PCNX3: variants seen among roughly 807,000 people sequenced by gnomAD.
PCNX3 encodes the protein pecanex 3.
In PCNX3, 58 loss-of-function variants were observed where a neutral mutation model predicts 207.2. The ratio of observed to expected loss-of-function variants is 0.28; its 90% CI spans 0.23 to 0.35. The LOEUF is 0.35. Ranked by LOEUF, PCNX3 falls within the 10% of genes least tolerant of loss-of-function variation. The probability of loss-of-function intolerance (pLI) is 1.00; values close to 1 mark genes in which losing one functional copy is unlikely to be tolerated. For synonymous variants in PCNX3, 1,337 were observed against 1,183.5 expected, an observed-to-expected ratio of 1.13 and a Z score of -2.66; for missense variants, 2,410 against 2,774.4, an observed-to-expected ratio of 0.87 and a Z score of 2.95.
rs372965452 is a variant in PCNX3 at position 65,636,988 on chromosome 11, C to T, written c.*10C>T. 1.6e-4 allele frequency: 250 copies of T among 1,561,620 alleles called. No individual in the cohort carries two copies. The highest frequency in any genetic ancestry group is 2.0e-4 in the Non-Finnish European group (229 of 1,156,472). On this transcript the variant is annotated 3_prime_UTR_variant, in exon 35 of 35. Coordinates refer to ENST00000355703, the MANE Select transcript of PCNX3 (RefSeq NM_032223.4). Reference sequence around the variant, plus strand: ...GGAACACCAGTACTGAGCTACCTGGCGCCCACTGGACCACCTCCTAGGATT... The same window carrying T: ...GGAACACCAGTACTGAGCTACCTGGTGCCCACTGGACCACCTCCTAGGATT...
At position 65,626,066 on chromosome 11, in the gene PCNX3, C is replaced by G. The variant is rs893035755; in HGVS notation, c.3379+12C>G. ...GTATGAAGTGCGCGGTGAGTGCCCA[C>G]CCCTGATGGCCAGGCCTGGGCAGTG... On this transcript the variant is annotated intron_variant, in intron 20 of 34. Transcript: ENST00000355703. 4 of 1,589,600 alleles carry G rather than the reference C, an allele frequency of 2.5e-6. No homozygotes were observed. The highest frequency in any genetic ancestry group is 3.4e-6 in the Non-Finnish European group (4 of 1,169,496).
chr11:65,623,856 T>A (rs1396568985), intron 12 of PCNX3, 73 bp from the exon 13 acceptor site: 39 of 1,602,406 alleles, frequency 2.4e-5, no homozygotes, highest in Non-Finnish European at 2.2e-5. Context: ...GTGGTGGAGC[T>A]GAACAGGTCT....
intron 5 of PCNX3, 33 bp downstream of exon 5, chr11:65,617,739 G>A: frequency 1.9e-6 from 3 of 1,546,850 alleles, no homozygotes; most frequent in Non-Finnish European, 2.6e-6. Context: ...AGGCTTGTGG[G>A]CTAGACCAGC....
intron 10 of PCNX3, among the ~76,000 whole-genome samples, chr11:65,621,218 T>G (rs1144788): frequency 0.98 from 149,364 of 152,278 alleles, 73,329 homozygotes; most frequent in Non-Finnish European, 1. Context: ...CTCTGGAGGG[T>G]CCCACAGTGA....
At position 65,616,092 on chromosome 11, in the gene PCNX3, C is replaced by T; in HGVS notation, c.-220C>T. 2.9e-6 allele frequency: 1 copy of T among 343,726 alleles called. No individual in the cohort carries two copies. The highest frequency in any genetic ancestry group is 5.2e-6 in the Non-Finnish European group (1 of 192,360). The allele number at this position is 343,726 out of a possible 1,614,324, so 21.3% of individuals were successfully genotyped here. Reference sequence around the variant, plus strand: ...GACCCGGACCCCGCCCCTGATGCAGCCCCACCCCCGCGTCCGGGCCTTGCA... The same window carrying T: ...GACCCGGACCCCGCCCCTGATGCAGTCCCACCCCCGCGTCCGGGCCTTGCA... On this transcript the variant is annotated 5_prime_UTR_variant, in exon 1 of 35. Coordinates refer to ENST00000355703, the MANE Select transcript of PCNX3 (RefSeq NM_032223.4).
Position 65,619,866 on chromosome 11 carries a change from G to T in PCNX3, c.1942G>T (p.Val648Leu). ...GTTGCTCACCCGGGCCGGTGCCAAT[G>T]TGCATGAGGCCTGCACCTTTGATGA... Reference protein sequence around the residue: ...SLLLTRAGANVHEACTFDDTS... With the variant: ...SLLLTRAGANLHEACTFDDTS... Residue 648 changes from valine to leucine, a missense_variant, in exon 8 of 35, where the codon GTG (valine) becomes TTG (leucine). Physicochemically the swap from Val to Leu is conservative, Grantham distance 32. This residue lies in a region of PCNX3 where 1,104 missense variants were observed against 970.3 expected (regional missense o/e 1.14). Coordinates refer to ENST00000355703, the MANE Select transcript of PCNX3 (RefSeq NM_032223.4). 6.2e-7 allele frequency: 1 copy of T among 1,611,278 alleles called. No homozygotes were observed.
Position 65,618,028 on chromosome 11 carries a change from A to C in PCNX3, c.666A>C (p.Gly222=). 2.5e-6 allele frequency: 4 copies of C among 1,608,410 alleles called. No individual in the cohort carries two copies. Among genetic ancestry groups the C allele is most frequent in the Non-Finnish European group, 3.4e-6 (4 of 1,177,870 alleles). Reference sequence around the variant, plus strand: ...CTTCAGAGCCTTCTCCCCTGGCTGGAGATGGAGCGCCCTGGAGTGGGAGCA... The same window carrying C: ...CTTCAGAGCCTTCTCCCCTGGCTGGCGATGGAGCGCCCTGGAGTGGGAGCA... The part of the protein sequence containing the change: ...TDSSEPSPLA[G]DGAPWSGSSM... Residue 222 remains glycine, a synonymous_variant, in exon 6 of 35, where the codon GGA becomes GGC. Transcript: ENST00000355703.
chr11:65,628,571 T>G, intron 22 of PCNX3, 24 bp from the exon 23 acceptor site: 1 of 1,608,490 alleles, frequency 6.2e-7, no homozygotes, highest in Non-Finnish European at 8.5e-7. Flanking sequence ...ATGTCTTTTT[T>G]CTTCTCCCTG....
At position 65,618,069 on chromosome 11, in the gene PCNX3, C is replaced by G; in HGVS notation, c.707C>G (p.Pro236Arg). The G allele has an allele frequency of 6.2e-7, 1 of 1,607,490 alleles. No homozygotes were observed. The highest frequency in any genetic ancestry group is 1.3e-5 in the African/African-American group (1 of 74,898). ...PWSGSSMADT[P>R]MSPLLKGSLS... ...AGTGGGAGCAGCATGGCTGACACTC[C>G]CATGAGCCCCCTGCTGAAGGGGAGC... is the stretch of plus-strand genomic sequence containing the variant. Residue 236 changes from proline to arginine, a missense_variant, in exon 6 of 35, where the codon CCC becomes CGC. Physicochemically the swap from Pro to Arg is moderately radical, Grantham distance 103 (BLOSUM62 -2). This residue lies in a region of PCNX3 where 1,104 missense variants were observed against 970.3 expected (regional missense o/e 1.14). Coordinates refer to ENST00000355703, the MANE Select transcript of PCNX3 (RefSeq NM_032223.4).
Position 65,616,270 on chromosome 11 carries a change from G to T in PCNX3, c.-42G>T. The T allele has an allele frequency of 6.7e-7, 1 of 1,495,880 alleles. No homozygotes were observed. The highest frequency in any genetic ancestry group is 2.6e-5 in the East Asian group (1 of 39,078). 92.7% of individuals were successfully genotyped at this position (1,495,880 alleles called of 1,614,324 possible). A position where few individuals can be genotyped will look rare whatever the true frequency, so the allele number is the denominator to read the frequency against. ...GGCATGGGCCGGGGGCCGCCCCCAT[G>T]AGGGTCCCGGGAGGGGGGGCGCGGG... On this transcript the variant is annotated 5_prime_UTR_variant, in exon 1 of 35. The change abolishes an upstream ATG in the 5' untranslated region. Transcript: ENST00000355703.
chr11:65,621,594 T>G (rs914360073), intron 10 of PCNX3, among the ~76,000 whole-genome samples: 13 of 152,360 alleles, frequency 8.5e-5, no homozygotes, highest in Admixed American at 6.5e-4. Context: ...CTGGTTCATT[T>G]CTTCCTTGTA....
chr11:65,616,437 G>A lies in PCNX3; in HGVS notation c.126G>A (p.Leu42=). 6.2e-7 allele frequency: 1 copy of A among 1,609,160 alleles called. No individual in the cohort carries two copies. Among genetic ancestry groups the A allele is most frequent in the South Asian group, 1.1e-5 (1 of 90,810 alleles). ...NCFHLYVWIF[L]LIFPFLLYMV... ...TCCACCTCTATGTCTGGATCTTCCT[G>A]CTCATCTTTCCCTTCTTACTGTACA... Residue 42 remains leucine, a synonymous_variant, in exon 1 of 35, where the codon CTG becomes CTA. Coordinates refer to ENST00000355703, the MANE Select transcript of PCNX3 (RefSeq NM_032223.4).
At chr11:65,619,959 C>T (rs778869979) in intron 8 of PCNX3, 27 bp downstream of exon 8, 6 of 1,576,572 alleles carry the variant, frequency 3.8e-6, no homozygotes, top group Non-Finnish European at 5.2e-6. Flanking sequence ...CCCGGTGGCC[C>T]AGTGCCTCCC....
chr11:65,637,343 A>T lies in PCNX3; in HGVS notation c.*365A>T. ...CTGGACCTGGGGCCTGAATTGTGGGAAGGGTGGTTTCTTTCTTTCCTTTTT... is the reference window on the plus strand; with the variant it reads ...CTGGACCTGGGGCCTGAATTGTGGGTAGGGTGGTTTCTTTCTTTCCTTTTT... On this transcript the variant is annotated 3_prime_UTR_variant, in exon 35 of 35. Coordinates refer to ENST00000355703, the MANE Select transcript of PCNX3 (RefSeq NM_032223.4). The T allele has an allele frequency of 4.0e-6, 1 of 252,046 alleles. No individual in the cohort carries two copies. Among genetic ancestry groups the T allele is most frequent in the Admixed American group, 5.3e-5 (1 of 18,944 alleles). The allele number at this position is 252,046 out of a possible 1,614,324, so 15.6% of individuals were successfully genotyped here.
At chr11:65,626,766 T>G (rs1227576302) in intron 20 of PCNX3, 138 bp from the exon 21 acceptor site, 78 of 1,287,958 alleles carry the variant, frequency 6.1e-5, no homozygotes, top group Non-Finnish European at 7.6e-5. Flanking sequence ...TGCTCCCATT[T>G]GAGCTGCCAC....
At position 65,634,344 on chromosome 11, in the gene PCNX3, C is replaced by G. The variant is rs747672540; in HGVS notation, c.4689C>G (p.Ser1563=). The change falls in exon 28 of 35, where the codon TCC becomes TCG. Residue 1563 remains serine (S), a synonymous_variant. Transcript: ENST00000355703. ...TCGAGTGGATCCAGTACTGCGCCTCCCGGCGCAGCCAGGTCAGGCTCCACT... is the reference window on the plus strand; with the variant it reads ...TCGAGTGGATCCAGTACTGCGCCTCGCGGCGCAGCCAGGTCAGGCTCCACT... ...VHLEWIQYCA[S]RRSQPVDQDW... 1 of 1,586,650 alleles carries G rather than the reference C, an allele frequency of 6.3e-7. No homozygotes were observed. Among genetic ancestry groups the G allele is most frequent in the South Asian group, 1.1e-5 (1 of 87,826 alleles).
In PCNX3 at chr11:65,624,961, C is replaced by A. The variant is rs760824031; in HGVS notation, c.2864C>A (p.Ser955Tyr). Reference protein sequence around the residue: ...TSPLTAVFSLSRSLLAAALLY... With the variant: ...TSPLTAVFSLYRSLLAAALLY... The stretch of plus-strand genomic sequence containing the variant: ...CCGCTCACGGCAGTCTTCAGCCTCT[C>A]CCGCAGCCTGCTGGCTGCTGCCCTG... The change falls in exon 16 of 35, where the codon TCC (serine) becomes TAC (tyrosine). Residue 955 changes from serine to tyrosine, a missense_variant. Ser to Tyr is a moderately radical substitution (Grantham distance 144). This residue lies in a region of PCNX3 where 333 missense variants were observed against 386.8 expected (regional missense o/e 0.86). Coordinates refer to ENST00000355703, the MANE Select transcript of PCNX3 (RefSeq NM_032223.4). The A allele has an allele frequency of 6.2e-7, 1 of 1,612,524 alleles. No homozygotes were observed. Among genetic ancestry groups the A allele is most frequent in the South Asian group, 1.1e-5 (1 of 90,924 alleles).
In PCNX3 at chr11:65,616,182, C is replaced by T; in HGVS notation, c.-130C>T. 2 of 686,490 alleles carry T rather than the reference C, an allele frequency of 2.9e-6. No homozygotes were observed. Among genetic ancestry groups the T allele is most frequent in the Non-Finnish European group, 4.2e-6 (2 of 478,848 alleles). The allele number at this position is 686,490 out of a possible 1,614,324, so 42.5% of individuals were successfully genotyped here. A position where few individuals can be genotyped will look rare whatever the true frequency, so the allele number is the denominator to read the frequency against. ...CCTCGCGCGGCCGAGCCCCCCTCCC[C>T]CGCTGGGGGAGGCCATGGCGTGAGC... is the stretch of plus-strand genomic sequence containing the variant. On this transcript the variant is annotated 5_prime_UTR_variant, in exon 1 of 35. Transcript: ENST00000355703.
rs144508348 is a variant in PCNX3 at position 65,616,410 on chromosome 11, C to T, written c.99C>T (p.Cys33=). ...FDPHQSTFSN[C]FHLYVWIFLL... ...CGCACCAGAGCACCTTCTCCAACTGCTTCCACCTCTATGTCTGGATCTTCC... is the reference window on the plus strand; with the variant it reads ...CGCACCAGAGCACCTTCTCCAACTGTTTCCACCTCTATGTCTGGATCTTCC... Residue 33 remains cysteine, a synonymous_variant, in exon 1 of 35, where the codon TGC becomes TGT. Transcript: ENST00000355703. 4.5e-4 allele frequency: 719 copies of T among 1,610,758 alleles called. 3 individuals are homozygous for T. Among genetic ancestry groups the T allele is most frequent in the African/African-American group, 4.3e-3 (325 of 75,014 alleles).
Sources: allele counts gnomAD v4.1 joint callset (sites outside exome capture counted in the v4.1 genomes callset), GRCh38; gene constraint gnomAD v4.1.1; regional missense constraint gnomAD v4.1.1; transcripts MANE v1.5; gene names NCBI Gene and HGNC (gene_info 2026-07-23, HGNC 2026-07-21).